The following PGS1 variants were observed in gnomAD, a reference collection of about 807,000 sequenced individuals.
PGS1 encodes phosphatidylglycerophosphate synthase 1.
Under a neutral mutation model 58.3 loss-of-function variants are expected in PGS1, and 44 were observed. That is an observed-to-expected ratio of 0.75 (90% CI 0.59 to 0.97). PGS1 has a LOEUF of 0.97. Ranked by LOEUF, PGS1 falls within the 50% of genes least tolerant of loss-of-function variation. PGS1 has a pLI of 0.00. For missense variants in PGS1, 684 were observed against 731.1 expected (o/e 0.94, Z 0.74); for synonymous variants, 330 against 311.0 (o/e 1.06, Z -0.64).
At position 78,403,765 on chromosome 17, in the gene PGS1, T is replaced by G. The variant is rs1298779013; in HGVS notation, c.1078T>G (p.Phe360Val). The stretch of plus-strand genomic sequence containing the variant: ...TTATCCGCTGATTCAGATGAAGCCC[T>G]TCGAGATTCAAATCGATGAGATTGT... The part of the protein sequence containing the change: ...WIYPLIQMKP[F>V]EIQIDEIVTE... Residue 360 changes from phenylalanine (F) to valine (V), a missense_variant, in exon 7 of 10, where the codon TTC (phenylalanine) becomes GTC (valine). Transcript: ENST00000262764. 3.1e-6 allele frequency: 5 copies of G among 1,614,098 alleles called. No homozygotes were observed. The Admixed American group carries it at 5.0e-5, about 16-fold the overall frequency.
chr17:78,404,521 C>T (rs2083960274), intron 7 of PGS1, among the ~76,000 whole-genome samples: 1 of 152,102 alleles, frequency 6.6e-6, no homozygotes, highest in Admixed American at 6.5e-5. Context: ...CTCAAGTGGT[C>T]TGCCTGCCTT....
chr17:78,409,654 G>A (rs892148607), intron 7 of PGS1, among the ~76,000 whole-genome samples: 3 of 152,220 alleles, frequency 2.0e-5, no homozygotes, highest in African/African-American at 7.2e-5. Flanking sequence ...GAGCAGGTGA[G>A]TGCTTATCCT....
chr17:78,420,691 T>TAAA, intron 9 of PGS1: 1 of 152,234 alleles, frequency 6.6e-6, no homozygotes, highest in Non-Finnish European at 1.5e-5. Flanking sequence ...ATGTGTAGTT[T>TAAA]ATCTGCAGCT....
At position 78,403,609 on chromosome 17, in the gene PGS1, A is replaced by G. The variant is rs1183260019; in HGVS notation, c.922A>G (p.Met308Val). ...EYCKAANKRV[M>V]DVINSARTRQ... ...CTGCAAGGCAGCCAATAAGAGGGTC[A>G]TGGATGTGATCAACTCAGCCAGGAC... The change falls in exon 7 of 10, where the codon ATG becomes GTG. Residue 308 changes from methionine (M) to valine (V), a missense_variant. Physicochemically the swap from Met to Val is conservative, Grantham distance 21 (BLOSUM62 1). Coordinates refer to ENST00000262764, the MANE Select transcript of PGS1 (RefSeq NM_024419.5). The G allele has an allele frequency of 1.9e-6, 3 of 1,614,104 alleles. No individual in the cohort carries two copies. The highest frequency in any genetic ancestry group is 1.1e-5 in the South Asian group (1 of 91,090).
chr17:78,397,168 T>C (rs189304594), intron 3 of PGS1, among the ~76,000 whole-genome samples: 237 of 152,322 alleles, frequency 1.6e-3, no homozygotes, highest in Non-Finnish European at 2.8e-3. Context: ...ATATGAGGTG[T>C]TGGGGCCAGC....
chr17:78,396,967 A>G (rs1219859436), intron 3 of PGS1, among the ~76,000 whole-genome samples: 2 of 152,214 alleles, frequency 1.3e-5, no homozygotes, highest in Non-Finnish European at 2.9e-5. Context: ...CGTTTACACA[A>G]AAGGCTTTCT....
intron 7 of PGS1, among the ~76,000 whole-genome samples, chr17:78,413,824 C>T (rs1339987493): frequency 6.6e-6 from 1 of 152,158 alleles, no homozygotes; most frequent in African/African-American, 2.4e-5. Context: ...TGGAACGGGG[C>T]GCAAAACTGT....
chr17:78,379,031 GC>G (rs2146019116), intron 1 of PGS1, among the ~76,000 whole-genome samples: 1 of 152,288 alleles, frequency 6.6e-6, no homozygotes, highest in East Asian at 1.9e-4. Flanking sequence ...GCCGGGTCCA[GC>G]CGGCGGGCCT....
chr17:78,379,717 G>T (rs1485190066), intron 1 of PGS1, among the ~76,000 whole-genome samples: 2 of 151,756 alleles, frequency 1.3e-5, no homozygotes, highest in Non-Finnish European at 2.9e-5. Flanking sequence ...CAGCTACTTG[G>T]GAGGCTGACC....
chr17:78,382,068 CAG>C (rs2082073502), intron 1 of PGS1, among the ~76,000 whole-genome samples: 1 of 152,016 alleles, frequency 6.6e-6, no homozygotes, highest in Non-Finnish European at 1.5e-5. Context: ...TGCAGTGGCT[CAG>C]AGCTGTTTTG....
At chr17:78,380,194 A>G (rs942547737) in intron 1 of PGS1, among the ~76,000 whole-genome samples, 2 of 151,942 alleles carry the variant, frequency 1.3e-5, no homozygotes, top group Non-Finnish European at 2.9e-5. Flanking sequence ...TGAGTCTTAC[A>G]CTTGATCTTT....
At chr17:78,405,543 G>A (rs1190066017) in intron 7 of PGS1, among the ~76,000 whole-genome samples, 11 of 152,182 alleles carry the variant, frequency 7.2e-5, no homozygotes, top group South Asian at 2.1e-4. Context: ...CGGAGCAGCC[G>A]AAATGGGGCA....
At chr17:78,419,032 C>T (rs1856855697) in intron 8 of PGS1, among the ~76,000 whole-genome samples, 1 of 151,438 alleles carries the variant, frequency 6.6e-6, no homozygotes, top group Admixed American at 6.6e-5. Flanking sequence ...TTTTTTGAGA[C>T]AAGGTCTCAC....
chr17:78,390,023 A>ACAC (rs1318271713), intron 1 of PGS1, among the ~76,000 whole-genome samples: 1 of 152,094 alleles, frequency 6.6e-6, no homozygotes, highest in Non-Finnish European at 1.5e-5. Flanking sequence ...AAATGCTGTG[A>ACAC]GGCAGGGGAG....
In PGS1 at chr17:78,414,904, C is replaced by T; in HGVS notation, c.1428C>T (p.Ser476=). 13 of 1,614,126 alleles carry T rather than the reference C, an allele frequency of 8.1e-6. No individual in the cohort carries two copies. Among genetic ancestry groups the T allele is most frequent in the Non-Finnish European group, 1.1e-5 (13 of 1,179,992 alleles). The change falls in exon 8 of 10, where the codon AGC becomes AGT. Residue 476 remains serine, a synonymous_variant. Transcript: ENST00000262764. ...GCCTCTGGCTGTACCTGGCAGGGAG[C>T]AGCCTGCCCTGTCTCACGCTGATTG... ...AKGLWLYLAG[S]SLPCLTLIGS...
chr17:78,397,589 A>ACCGC (rs1555631825), intron 3 of PGS1, among the ~76,000 whole-genome samples: 1 of 129,674 alleles, frequency 7.7e-6, no homozygotes, highest in African/African-American at 2.6e-5. Context: ...GGCATGCGCC[A>ACCGC]CCCCCCCAGC....
In PGS1 at chr17:78,384,613, C is replaced by T. The variant is rs549382646; in HGVS notation, c.143+5805C>T. Among the ~76,000 whole-genome samples the T allele has an allele frequency of 5.9e-5, 9 of 152,208 alleles. No homozygotes were observed. In the South Asian group the frequency reaches 1.9e-3, roughly 32 times the overall value. On this transcript the variant is annotated intron_variant, in intron 1 of 9. Transcript: ENST00000262764. Reference sequence around the variant, plus strand: ...ATGTACCTTACGGTTAAAGAAGGGCCCCTGGACCTTCAGACCACGCCTCTG... The same window carrying T: ...ATGTACCTTACGGTTAAAGAAGGGCTCCTGGACCTTCAGACCACGCCTCTG...
At chr17:78,399,897 G>T in intron 5 of PGS1, 1 of 294,450 alleles carries the variant, frequency 3.4e-6, no homozygotes, top group Non-Finnish European at 6.6e-6. Flanking sequence ...ATAAACAAGA[G>T]TCAGACCTGG....
chr17:78,409,806 C>T (rs2084473691), intron 7 of PGS1, among the ~76,000 whole-genome samples: 1 of 152,228 alleles, frequency 6.6e-6, no homozygotes, highest in Non-Finnish European at 1.5e-5. Context: ...AATGTTCATA[C>T]ACTTCTGCCT....
Sources: gnomAD v4.1 joint callset for allele counts (sites outside exome capture counted in the v4.1 genomes callset) on GRCh38, gnomAD v4.1.1 for gene constraint, MANE v1.5 for transcripts, NCBI Gene and HGNC (gene_info 2026-07-23, HGNC 2026-07-21) for gene names.